The following PCGF3 variants were observed in gnomAD, a reference collection of about 807,000 sequenced individuals.
PCGF3 encodes the protein polycomb group ring finger 3, also known as polycomb group RING finger protein 3.
A neutral mutation model predicts 33.1 loss-of-function variants in PCGF3; 7 were observed. That is an observed-to-expected ratio of 0.21 (90% CI 0.12 to 0.40). The LOEUF (loss-of-function observed/expected upper bound fraction) is 0.40, where lower values mean the gene tolerates loss of function less well. Ranked by LOEUF, PCGF3 falls within the 10% of genes least tolerant of loss-of-function variation. PCGF3 has a pLI of 1.00. For synonymous variants in PCGF3, 153 were observed against 121.3 expected (o/e 1.26, Z -1.72); for missense variants, 211 against 313.3 (o/e 0.67, Z 2.46).
At chr4:717,678 G>T (rs1205334774) in intron 1 of PCGF3, among the ~76,000 whole-genome samples, 1 of 152,246 alleles carries the variant, frequency 6.6e-6, no homozygotes, top group Non-Finnish European at 1.5e-5. Context: ...GCGCCCGGCT[G>T]TGTGTGCTTA....
At chr4:762,844 T>C (rs1577448297) in intron 9 of PCGF3, 2 of 152,380 alleles carry the variant, frequency 1.3e-5, no homozygotes, top group African/African-American at 2.4e-5. Context: ...AGGAGACTAA[T>C]TCAGAGAAAG....
chr4:755,484 G>C (rs973415023), intron 8 of PCGF3, among the ~76,000 whole-genome samples: 1 of 152,190 alleles, frequency 6.6e-6, no homozygotes, highest in Non-Finnish European at 1.5e-5. Context: ...TGCAGGGATC[G>C]TCTTTCCTTC....
chr4:740,466 T>C (rs1380330669), intron 6 of PCGF3, among the ~76,000 whole-genome samples: 1 of 152,236 alleles, frequency 6.6e-6, no homozygotes, highest in Non-Finnish European at 1.5e-5. Flanking sequence ...CTCTGGGCTC[T>C]TTCACTCGGT....
At chr4:709,162 G>C (rs924269579) in intron 1 of PCGF3, among the ~76,000 whole-genome samples, 4 of 152,186 alleles carry the variant, frequency 2.6e-5, no homozygotes, top group Non-Finnish European at 4.4e-5. Flanking sequence ...AGAGGGTGCC[G>C]TGTGGCTGCT....
intron 1 of PCGF3, among the ~76,000 whole-genome samples, chr4:715,389 G>A (rs1182903254): frequency 1.4e-5 from 2 of 140,838 alleles, no homozygotes; most frequent in Non-Finnish European, 3.1e-5. Context: ...ACCGGGCATC[G>A]GTGCTGGGAC....
intron 9 of PCGF3, chr4:762,253 C>A: frequency 3.4e-6 from 1 of 296,494 alleles, no homozygotes; most frequent in Non-Finnish European, 5.0e-6. Flanking sequence ...GAGCCTAAAT[C>A]CCATGACACA....
At chr4:734,669 C>G in intron 4 of PCGF3, 1 of 1,298,914 alleles carries the variant, frequency 7.7e-7, no homozygotes, top group Non-Finnish European at 9.8e-7. Context: ...CATCATCTCC[C>G]CATTCTAAGT....
At chr4:743,578 C>G in exon 7 of PCGF3, 3 of 1,593,160 alleles carry the variant, frequency 1.9e-6, no homozygotes, top group Non-Finnish European at 8.6e-7. Flanking sequence ...AGATTCCCAT[C>G]GGAATGGTGA....
intron 1 of PCGF3, among the ~76,000 whole-genome samples, chr4:715,397 G>C (rs564307730): frequency 7.1e-6 from 1 of 140,172 alleles, no homozygotes; most frequent in African/African-American, 2.6e-5. Context: ...TCGGTGCTGG[G>C]ACCCTGTAGA....
At chr4:725,206 T>A (rs1422296248) in intron 1 of PCGF3, 1 of 152,320 alleles carries the variant, frequency 6.6e-6, no homozygotes, top group African/African-American at 2.4e-5. Flanking sequence ...AGCTCCTGTC[T>A]CTCCTTGTCA....
intron 9 of PCGF3, among the ~76,000 whole-genome samples, chr4:763,120 G>A: frequency 6.6e-6 from 1 of 152,114 alleles, no homozygotes; most frequent in Non-Finnish European, 1.5e-5. Flanking sequence ...GGAGATCATG[G>A]AGAAACCAAG....
intron 1 of PCGF3, among the ~76,000 whole-genome samples, chr4:708,133 C>G (rs561687771): frequency 6.6e-6 from 1 of 152,078 alleles, no homozygotes; most frequent in African/African-American, 2.4e-5. Context: ...TCCCAGGGCC[C>G]GGCACCCTGA....
At chr4:750,246 TG>T (rs1354585891) in intron 8 of PCGF3, among the ~76,000 whole-genome samples, 2 of 152,262 alleles carry the variant, frequency 1.3e-5, no homozygotes, top group African/African-American at 4.8e-5. Context: ...TCGAGAAGTT[TG>T]TTCTGAAACA....
At chr4:756,435 A>G (rs2152612895) in intron 8 of PCGF3, among the ~76,000 whole-genome samples, 1 of 150,054 alleles carries the variant, frequency 6.7e-6, no homozygotes, top group Non-Finnish European at 1.5e-5. Context: ...CTGGCCTCGA[A>G]CTCCTGACCT....
chr4:743,162 CACAG>C (rs1744166922), intron 6 of PCGF3, among the ~76,000 whole-genome samples: 1 of 152,206 alleles, frequency 6.6e-6, no homozygotes, highest in Admixed American at 6.5e-5. Context: ...ATTGGACACT[CACAG>C]GCAGTGGCTG....
Position 724,302 on chromosome 4 carries a change from C to T in PCGF3, c.-189-6328C>T, listed in dbSNP as rs79634219. 1.6e-4 allele frequency among the ~76,000 whole-genome samples: 25 copies of T among 152,330 alleles called. No individual in the cohort carries two copies. In the East Asian group the frequency reaches 4.4e-3, roughly 27 times the overall value. ...CCCGGAGGCTTTTCCACACCCGAGTCCGTCCTCGGCCATGCCAGCCAGGTC... is the reference window on the plus strand; with the variant it reads ...CCCGGAGGCTTTTCCACACCCGAGTTCGTCCTCGGCCATGCCAGCCAGGTC... On this transcript the variant is annotated intron_variant, in intron 1 of 10. Transcript: ENST00000362003.
At position 743,908 on chromosome 4, in the gene PCGF3, T is replaced by G. The variant is rs1744203607; in HGVS notation, c.373+324T>G. 7 of 237,332 alleles carry G rather than the reference T, an allele frequency of 2.9e-5. No individual in the cohort carries two copies. The South Asian group carries it at 5.9e-4, about 20-fold the overall frequency. The allele number at this position is 237,332 out of a possible 1,614,324, so 14.7% of individuals were successfully genotyped here. ...TGAGACTTCACTTGGCTTGCTTTAC[T>G]GTAAAATGGCAAAATAATGGTTTGG... On this transcript the variant is annotated intron_variant, in intron 7 of 10. Coordinates refer to ENST00000362003, the Ensembl canonical transcript of PCGF3.
At chr4:756,242 A>G (rs1480132401) in intron 8 of PCGF3, among the ~76,000 whole-genome samples, 1 of 128,000 alleles carries the variant, frequency 7.8e-6, no homozygotes, top group Non-Finnish European at 1.6e-5. Flanking sequence ...ATGTAGTCTT[A>G]TACTCTGTCG....
At chr4:728,037 C>G (rs1047094581) in intron 1 of PCGF3, among the ~76,000 whole-genome samples, 1 of 152,202 alleles carries the variant, frequency 6.6e-6, no homozygotes, top group African/African-American at 2.4e-5. Flanking sequence ...CTGCTAGTCT[C>G]AATGCTGGTG....
Sources: allele counts gnomAD v4.1 joint callset (sites outside exome capture counted in the v4.1 genomes callset), GRCh38; gene constraint gnomAD v4.1.1; transcripts MANE v1.5; gene names NCBI Gene and HGNC (gene_info 2026-07-23, HGNC 2026-07-21).